Variants in DNASE1L1 observed in about 807,000 individuals in gnomAD.
The protein encoded by DNASE1L1 is deoxyribonuclease 1 like 1, also known as deoxyribonuclease-1-like 1.
In DNASE1L1, 8 loss-of-function variants were observed where a neutral mutation model predicts 18.6. The ratio of observed to expected loss-of-function variants is 0.43; its 90% CI spans 0.25 to 0.78. DNASE1L1 has a LOEUF of 0.78. Among genes scored for constraint, DNASE1L1 ranks in the 30% least tolerant of loss-of-function variants. DNASE1L1 has a pLI of 0.23. For missense variants in DNASE1L1, 214 were observed against 258.2 expected, an observed-to-expected ratio of 0.83 and a Z score of 1.17; for synonymous variants, 114 against 114.2, an observed-to-expected ratio of 1.00 and a Z score of 0.01.
At chrX:154,403,672 G>T in intron 4 of DNASE1L1, 50 bp from the exon 5 acceptor site, 1 of 1,100,660 alleles carries the variant, frequency 9.1e-7, no homozygotes, top group Non-Finnish European at 1.3e-6. Context: ...TTTGATTTTG[G>T]CTTGCAAGTG....
At position 154,404,878 on chromosome X, in the gene DNASE1L1, G is replaced by T. The variant is rs782223297; in HGVS notation, c.261C>A (p.Ser87Arg). The T allele has an allele frequency of 1.7e-6, 2 of 1,211,858 alleles. No individual in the cohort carries two copies. Among genetic ancestry groups the T allele is most frequent in the South Asian group, 1.8e-5 (1 of 57,013 alleles). The change falls in exon 4 of 8, where the codon AGC (serine) becomes AGA (arginine). Residue 87 changes from serine to arginine, a missense_variant. Transcript: ENST00000369807. ...TGTAGGTGCTGCGCCCCAGCTGGGG[G>T]CTGCTCAGGGTGCTGTAGGGCCCAG... is the stretch of plus-strand genomic sequence containing the variant. ...DGSGPYSTLS[S>R]PQLGRSTYME...
rs2068120480 is a variant in DNASE1L1 at position 154,405,009 on chromosome X, A to C, written c.210T>G (p.Leu70=). 1 of 1,209,170 alleles carries C rather than the reference A, an allele frequency of 8.3e-7. No homozygotes were observed. The highest frequency in any genetic ancestry group is 1.1e-6 in the Non-Finnish European group (1 of 894,436). The change falls in exon 3 of 8, where the codon CTT becomes CTG. Residue 70 remains leucine (L), a synonymous_variant. Coordinates refer to ENST00000369807, the MANE Select transcript of DNASE1L1 (RefSeq NM_001303620.2). ...ATCTTCCTCACCGATTGAGTTCTCGAAGCAGGAGCGGGATGGCGCTGCCGG... is the reference window on the plus strand; with the variant it reads ...ATCTTCCTCACCGATTGAGTTCTCGCAGCAGGAGCGGGATGGCGCTGCCGG... ...DSSGSAIPLL[L]RELNRFDGSG...
At chrX:154,410,207 C>T (rs782708290), upstream of DNASE1L1, among the ~76,000 whole-genome samples, 1 of 109,029 alleles carries the variant, frequency 9.2e-6, no homozygotes, top group Admixed American at 9.7e-5. Flanking sequence ...CCACTGCACT[C>T]GCACTCCAGC....
At position 154,403,201 on chromosome X, in the gene DNASE1L1, A is replaced by G; in HGVS notation, c.526-11T>C. 1 of 1,210,116 alleles carries G rather than the reference A, an allele frequency of 8.3e-7. No individual in the cohort carries two copies. Among genetic ancestry groups the G allele is most frequent in the Non-Finnish European group, 1.1e-6 (1 of 894,208 alleles). On this transcript the variant is annotated splice_polypyrimidine_tract_variant and intron_variant, in intron 6 of 7. Transcript: ENST00000369807. ...AAGCAGGATCACGTCCTAGAGACAC[A>G]GCAGCCATCAGGCTGGCCGCTGGGC...
chrX:154,406,664 CTTTTTTTT>C (rs782761679), intron 1 of DNASE1L1, among the ~76,000 whole-genome samples: 2 of 86,143 alleles, frequency 2.3e-5, no homozygotes, highest in Non-Finnish European at 4.6e-5. Context: ...CCACCGTGTC[CTTTTTTTT>C]TTTTTTTTTT....
Position 154,405,429 on chromosome X carries a change from C to A in DNASE1L1, c.135+5G>T. On this transcript the variant is annotated splice_donor_5th_base_variant and intron_variant, in intron 2 of 7. Coordinates refer to ENST00000369807, the MANE Select transcript of DNASE1L1 (RefSeq NM_001303620.2). ...GGCACGGCTTCCCTGAAGTGATGAA[C>A]TTACCCGAACTAAGGTGTCCATCAC... is the stretch of plus-strand genomic sequence containing the variant. 1 of 1,181,572 alleles carries A rather than the reference C, an allele frequency of 8.5e-7. No homozygotes were observed. The highest frequency in any genetic ancestry group is 1.1e-6 in the Non-Finnish European group (1 of 876,074).
At chrX:154,409,867 G>A (rs1178010838), upstream of DNASE1L1, 2 of 112,325 alleles carry the variant, frequency 1.8e-5, no homozygotes, top group Non-Finnish European at 3.8e-5. Flanking sequence ...AGGTGGGGCT[G>A]AATCCACTCA....
At position 154,402,817 on chromosome X, in the gene DNASE1L1, G is replaced by T; in HGVS notation, c.799C>A (p.Pro267Thr). ...EEALNISDHY[P>T]VEVELKLSQA... ...CTCAGCTTCAGCTCCACCTCCACGG[G>T]GTAGTGGTCACTGATGTTGAGGGCC... Residue 267 changes from proline (P) to threonine (T), a missense_variant, in exon 8 of 8, where the codon CCC (proline) becomes ACC (threonine). Physicochemically the swap from Pro to Thr is conservative, Grantham distance 38 (BLOSUM62 -1). Coordinates refer to ENST00000369807, the MANE Select transcript of DNASE1L1 (RefSeq NM_001303620.2). 8.3e-7 allele frequency: 1 copy of T among 1,210,999 alleles called. No homozygotes were observed. The highest frequency in any genetic ancestry group is 1.1e-6 in the Non-Finnish European group (1 of 894,979).
chrX:154,407,278 G>A (rs2068175449), intron 1 of DNASE1L1, among the ~76,000 whole-genome samples: 1 of 78,167 alleles, frequency 1.3e-5, no homozygotes, highest in Non-Finnish European at 2.3e-5. Flanking sequence ...TCACTCTGTC[G>A]CCCAGACTGG....
chrX:154,402,445 C>G lies in DNASE1L1; in HGVS notation c.*262G>C, dbSNP rs1029983309. ...TTTCTGAACCCTCCCTTCCCCTACC[C>G]CAACCCAGAGCCCACTTTGTCTCCA... On this transcript the variant is annotated 3_prime_UTR_variant, in exon 8 of 8. Transcript: ENST00000369807. 6.0e-5 allele frequency: 19 copies of G among 316,141 alleles called. No individual in the cohort carries two copies. The South Asian group carries it at 1.3e-3, about 22-fold the overall frequency. The allele number at this position is 316,141 out of a possible 1,213,427, so 26.1% of individuals were successfully genotyped here. A position where few individuals can be genotyped will look rare whatever the true frequency, so the allele number is the denominator to read the frequency against.
rs1244947500 is a variant in DNASE1L1, at chrX:154,401,725, T to C, written c.*982A>G. ...CAGCCTGTGGCTCCCAAAAGGCCTCTGGTTTTTTGTAATCTCAGTTTACAG... is the reference window on the plus strand; with the variant it reads ...CAGCCTGTGGCTCCCAAAAGGCCTCCGGTTTTTTGTAATCTCAGTTTACAG... On this transcript the variant is annotated 3_prime_UTR_variant, in exon 8 of 8. Transcript: ENST00000369807. The C allele has an allele frequency of 1.8e-5, 2 of 112,512 alleles. No individual in the cohort carries two copies. The highest frequency in any genetic ancestry group is 3.8e-5 in the Non-Finnish European group (2 of 53,256). 9.3% of individuals were successfully genotyped at this position (112,512 alleles called of 1,213,427 possible). A position where few individuals can be genotyped will look rare whatever the true frequency, so the allele number is the denominator to read the frequency against.
upstream of DNASE1L1, chrX:154,409,698 A>G (rs1448732080): frequency 8.8e-6 from 1 of 113,414 alleles, no homozygotes; most frequent in Admixed American, 9.2e-5. Flanking sequence ...AGAGAGGGAC[A>G]GTCCACACAT....
rs187477756 is a variant in DNASE1L1, at chrX:154,402,648, G to A, written c.*59C>T. 663 of 1,111,918 alleles carry A rather than the reference G, an allele frequency of 6.0e-4. 5 individuals are homozygous for A. The African/African-American group carries it at 6.6e-3, about 11-fold the overall frequency. The allele number at this position is 1,111,918 out of a possible 1,213,427, so 91.6% of individuals were successfully genotyped here. On this transcript the variant is annotated 3_prime_UTR_variant, in exon 8 of 8. Transcript: ENST00000369807. ...CCCCCAGCCCCAGGGCTGGATGGAC[G>A]GGGGAGGCTGGGGTTTAAGTCCCAA...
In DNASE1L1 at chrX:154,405,491, G is replaced by C. The variant is rs782508138; in HGVS notation, c.78C>G (p.Ala26=). 1.7e-6 allele frequency: 2 copies of C among 1,204,401 alleles called. No homozygotes were observed. The highest frequency in any genetic ancestry group is 2.2e-6 in the Non-Finnish European group (2 of 890,691). The part of the protein sequence containing the change: ...AQAFRICAFN[A]QRLTLAKVAR... The stretch of plus-strand genomic sequence containing the variant: ...CCACCTTGGCCAGTGTCAGCCGCTG[G>C]GCATTGAAGGCGCAGATGCGAAAGG... Residue 26 remains alanine, a synonymous_variant, in exon 2 of 8, where the codon GCC becomes GCG. Transcript: ENST00000369807.
intron 4 of DNASE1L1, 60 bp from the exon 5 acceptor site, chrX:154,403,682 G>A: frequency 1.0e-6 from 1 of 1,003,909 alleles, no homozygotes; most frequent in South Asian, 2.0e-5. Context: ...GCTTGCAAGT[G>A]CCAAACGGCG....
intron 1 of DNASE1L1, among the ~76,000 whole-genome samples, chrX:154,406,368 GTTTTT>G (rs57476394): frequency 1.2e-5 from 1 of 84,767 alleles, no homozygotes; most frequent in African/African-American, 4.9e-5. Flanking sequence ...CATCCATCTG[GTTTTT>G]TTTTTTTTTT....
chrX:154,401,354 T>C lies in DNASE1L1; in HGVS notation c.*1353A>G. 6.1e-6 allele frequency: 1 copy of C among 165,228 alleles called. No individual in the cohort carries two copies. Among genetic ancestry groups the C allele is most frequent in the Non-Finnish European group, 1.2e-5 (1 of 85,980 alleles). 13.6% of individuals were successfully genotyped at this position (165,228 alleles called of 1,213,427 possible). On this transcript the variant is annotated 3_prime_UTR_variant, in exon 8 of 8. Coordinates refer to ENST00000369807, the MANE Select transcript of DNASE1L1 (RefSeq NM_001303620.2). Reference sequence around the variant, plus strand: ...TCCTTGGTGGGAATCATCCAGGTACTGCTGAGGTCACCTGCGATTTGCCCC... The same window carrying C: ...TCCTTGGTGGGAATCATCCAGGTACCGCTGAGGTCACCTGCGATTTGCCCC...
At position 154,403,016 on chromosome X, in the gene DNASE1L1, C is replaced by T; in HGVS notation, c.700G>A (p.Glu234Lys). ...GTGTGCAGCAGACTCCGGCAGCGCT[C>T]CCCGTGCAGCACGACGCGGTCATAG... ...CTYDRVVLHG[E>K]RCRSLLHTAA... Residue 234 changes from glutamate to lysine, a missense_variant, in exon 7 of 8, where the codon GAG (glutamate) becomes AAG (lysine). Coordinates refer to ENST00000369807, the MANE Select transcript of DNASE1L1 (RefSeq NM_001303620.2). 8.3e-7 allele frequency: 1 copy of T among 1,211,760 alleles called. No individual in the cohort carries two copies. Among genetic ancestry groups the T allele is most frequent in the South Asian group, 1.8e-5 (1 of 57,015 alleles).
rs1349903905 is a variant in DNASE1L1, at chrX:154,409,193, AG to A, written c.-170del. Reference sequence around the variant, plus strand: ...CCAGAAGAGCAGCTCCTGCCTGAATAGGGCTAGGAGGGGAAAAAAAAGAGGA... The same window carrying A: ...CCAGAAGAGCAGCTCCTGCCTGAATAGGCTAGGAGGGGAAAAAAAAGAGGA... On this transcript the variant is annotated 5_prime_UTR_variant, in exon 1 of 8. Coordinates refer to ENST00000369807, the MANE Select transcript of DNASE1L1 (RefSeq NM_001303620.2). 3.1e-6 allele frequency: 1 copy of A among 318,847 alleles called. No homozygotes were observed. The highest frequency in any genetic ancestry group is 6.3e-6 in the Non-Finnish European group (1 of 159,042). The allele number at this position is 318,847 out of a possible 1,213,427, so 26.3% of individuals were successfully genotyped here. A position where few individuals can be genotyped will look rare whatever the true frequency, so the allele number is the denominator to read the frequency against.
Sources: gnomAD v4.1 joint callset for allele counts (sites outside exome capture counted in the v4.1 genomes callset) on GRCh38, gnomAD v4.1.1 for gene constraint, MANE v1.5 for transcripts, NCBI Gene and HGNC (gene_info 2026-07-23, HGNC 2026-07-21) for gene names.